COLGALT1: variants seen among roughly 807,000 people sequenced by gnomAD.
The protein encoded by COLGALT1 is procollagen galactosyltransferase 1.
In COLGALT1, 43 loss-of-function variants were observed where a neutral mutation model predicts 60.8. The observed-to-expected ratio is 0.71, with a 90% confidence interval of 0.55 to 0.91. The LOEUF (loss-of-function observed/expected upper bound fraction) is 0.91, where lower values mean the gene tolerates loss of function less well. Among genes scored for constraint, COLGALT1 ranks in the 40% least tolerant of loss-of-function variants. COLGALT1 has a pLI of 0.00. For missense variants in COLGALT1, 845 were observed against 880.0 expected (o/e 0.96, Z 0.50); for synonymous variants, 369 against 374.2 (o/e 0.99, Z 0.16).
chr19:17,556,226 G>A (rs1191472729), intron 1 of COLGALT1, among the ~76,000 whole-genome samples: 1 of 152,188 alleles, frequency 6.6e-6, no homozygotes, highest in African/African-American at 2.4e-5. Context: ...CACAACACAA[G>A]CGGGACCGAG....
intron 3 of COLGALT1, among the ~76,000 whole-genome samples, chr19:17,562,253 G>C (rs1254212264): frequency 6.6e-6 from 1 of 152,200 alleles, no homozygotes; most frequent in Non-Finnish European, 1.5e-5. Context: ...TGCAGTGGTG[G>C]CTAGAGGTCC....
chr19:17,565,416 C>T (rs1034968188), intron 3 of COLGALT1, among the ~76,000 whole-genome samples: 6 of 152,130 alleles, frequency 3.9e-5, no homozygotes, highest in Non-Finnish European at 7.3e-5. Flanking sequence ...ATCTGCCTGC[C>T]TTGGCATCCC....
chr19:17,564,068 C>CA (rs746880796), intron 3 of COLGALT1, among the ~76,000 whole-genome samples: 8 of 150,576 alleles, frequency 5.3e-5, no homozygotes, highest in Non-Finnish European at 8.9e-5. Context: ...AGACCCCCCC[C>CA]ATCTCTACAA....
At chr19:17,573,572 G>T (rs1360884914) in intron 6 of COLGALT1, among the ~76,000 whole-genome samples, 2 of 151,838 alleles carry the variant, frequency 1.3e-5, no homozygotes, top group Admixed American at 1.3e-4. Flanking sequence ...GGTGGCACAT[G>T]CCTGTATTCT....
chr19:17,570,145 G>A (rs1001243492), intron 5 of COLGALT1, among the ~76,000 whole-genome samples: 1 of 151,986 alleles, frequency 6.6e-6, no homozygotes, highest in Non-Finnish European at 1.5e-5. Flanking sequence ...TGCCCACCTC[G>A]GCCTCCCAGA....
chr19:17,560,484 C>G lies in COLGALT1; in HGVS notation c.489+19C>G. On this transcript the variant is annotated intron_variant, in intron 3 of 11. Transcript: ENST00000252599. ...CATCCTGGTAAGTTTCTCAGCCGGC[C>G]GGATATGGATCACAGGCAGGTCTGG... 6.3e-7 allele frequency: 1 copy of G among 1,598,360 alleles called. No individual in the cohort carries two copies. Among genetic ancestry groups the G allele is most frequent in the South Asian group, 1.1e-5 (1 of 90,762 alleles).
Position 17,568,604 on chromosome 19 carries a change from C to A in COLGALT1, c.720C>A (p.Ile240=). The change falls in exon 5 of 12, where the codon ATC becomes ATA. Residue 240 remains isoleucine, a synonymous_variant. Transcript: ENST00000252599. ...CCATGGTGCACTCGACCTTCCTGATCGACCTGCGGAAGGCGGCGTCCAGGA... is the reference window on the plus strand; with the variant it reads ...CCATGGTGCACTCGACCTTCCTGATAGACCTGCGGAAGGCGGCGTCCAGGA... ...AVPMVHSTFL[I]DLRKAASRNL... is the part of the protein sequence containing the mutation. 1 of 1,614,216 alleles carries A rather than the reference C, an allele frequency of 6.2e-7. No individual in the cohort carries two copies. The highest frequency in any genetic ancestry group is 8.5e-7 in the Non-Finnish European group (1 of 1,180,034).
intron 6 of COLGALT1, 40 bp from the exon 7 acceptor site, chr19:17,577,155 C>T (rs1246709077): frequency 1.9e-6 from 3 of 1,594,770 alleles, no homozygotes; most frequent in African/African-American, 2.7e-5. Flanking sequence ...AGGCTGGAGG[C>T]TCCTTACCCC....
intron 3 of COLGALT1, among the ~76,000 whole-genome samples, chr19:17,565,844 A>G (rs1014450142): frequency 6.6e-6 from 1 of 152,162 alleles, no homozygotes; most frequent in Non-Finnish European, 1.5e-5. Context: ...CACAGATTCA[A>G]ACATCCAGAG....
chr19:17,576,987 G>C, intron 6 of COLGALT1: 1 of 602,564 alleles, frequency 1.7e-6, no homozygotes, highest in Non-Finnish European at 2.9e-6. Flanking sequence ...GCTGGGGCCT[G>C]GGGTGTGGCC....
chr19:17,563,138 G>T (rs879786711), intron 3 of COLGALT1, among the ~76,000 whole-genome samples: 2 of 151,396 alleles, frequency 1.3e-5, no homozygotes, highest in Non-Finnish European at 2.9e-5. Context: ...TCAAAGTGCT[G>T]GTTCAAAACT....
chr19:17,572,240 G>A lies in COLGALT1; in HGVS notation c.830-243G>A, dbSNP rs146073017. On this transcript the variant is annotated intron_variant, in intron 5 of 11. Coordinates refer to ENST00000252599, the MANE Select transcript of COLGALT1 (RefSeq NM_024656.4). ...GGAGAATCACTTGAACCCGGGAGGC[G>A]GAGGTTGCAGTGAGCCAAGGTAGTG... is the stretch of plus-strand genomic sequence containing the variant. Among the ~76,000 whole-genome samples, 1,273 of 152,026 alleles carry A rather than the reference G, an allele frequency of 8.4e-3. 20 individuals are homozygous for A. Among genetic ancestry groups the A allele is most frequent in the African/African-American group, 0.029 (1,209 of 41,496 alleles).
At chr19:17,561,510 TTCC>T (rs2076248735) in intron 3 of COLGALT1, among the ~76,000 whole-genome samples, 1 of 151,776 alleles carries the variant, frequency 6.6e-6, no homozygotes, top group Admixed American at 6.6e-5. Context: ...TGACTTGCAC[TTCC>T]TCCTCCTGTG....
At chr19:17,561,048 T>C (rs2076246239) in intron 3 of COLGALT1, among the ~76,000 whole-genome samples, 2 of 151,080 alleles carry the variant, frequency 1.3e-5, no homozygotes, top group Admixed American at 1.3e-4. Context: ...CTACTAAAAA[T>C]ACAAAAATTA....
intron 4 of COLGALT1, among the ~76,000 whole-genome samples, chr19:17,567,874 A>G (rs1297116614): frequency 6.6e-6 from 1 of 152,028 alleles, no homozygotes; most frequent in Non-Finnish European, 1.5e-5. Flanking sequence ...ACTTGAACCC[A>G]GGAGGCGGAA....
intron 5 of COLGALT1, 125 bp from the exon 6 acceptor site, chr19:17,572,358 G>T: frequency 7.1e-7 from 1 of 1,399,322 alleles, no homozygotes; most frequent in Non-Finnish European, 9.9e-7. Context: ...TGCCCAGGCT[G>T]GTCTCAGACA....
At chr19:17,569,863 C>T (rs2076301500) in intron 5 of COLGALT1, among the ~76,000 whole-genome samples, 1 of 150,104 alleles carries the variant, frequency 6.7e-6, no homozygotes, top group African/African-American at 2.5e-5. Flanking sequence ...GCAAACTGAC[C>T]TGCAGGCCAA....
At chr19:17,581,123 T>C (rs2076378815) in intron 11 of COLGALT1, 54 bp from the exon 12 acceptor site, 1 of 1,579,292 alleles carries the variant, frequency 6.3e-7, no homozygotes, top group African/African-American at 1.4e-5. Context: ...TTCCTCCAGC[T>C]GTCCCGTCCC....
chr19:17,581,639 CAG>C lies in COLGALT1; in HGVS notation c.*196_*197del, dbSNP rs1401818501. ...TGGAGTGCCTACTGCATGCCAGCAACAGGGCTTGGCCCTGGGGAATTGGGAGG... is the reference window on the plus strand; with the variant it reads ...TGGAGTGCCTACTGCATGCCAGCAACGGCTTGGCCCTGGGGAATTGGGAGG... On this transcript the variant is annotated 3_prime_UTR_variant, in exon 12 of 12. Coordinates refer to ENST00000252599, the MANE Select transcript of COLGALT1 (RefSeq NM_024656.4). 16 of 716,012 alleles carry C rather than the reference CAG, an allele frequency of 2.2e-5. No homozygotes were observed. Among genetic ancestry groups the C allele is most frequent in the Non-Finnish European group, 3.2e-5 (14 of 444,226 alleles). 44.4% of individuals were successfully genotyped at this position (716,012 alleles called of 1,614,324 possible).
Sources: gnomAD v4.1 joint callset for allele counts (sites outside exome capture counted in the v4.1 genomes callset) on GRCh38, gnomAD v4.1.1 for gene constraint, MANE v1.5 for transcripts, NCBI Gene and HGNC (gene_info 2026-07-23, HGNC 2026-07-21) for gene names.